MET: variants seen among roughly 807,000 people sequenced by gnomAD.
The protein encoded by MET is MET proto-oncogene, receptor tyrosine kinase.
Under a neutral mutation model 133.1 loss-of-function variants are expected in MET, and 48 were observed. The observed-to-expected ratio is 0.36, with a 90% CI of 0.29 to 0.46. The LOEUF (loss-of-function observed/expected upper bound fraction) is 0.46, where lower values mean the gene tolerates loss of function less well. Ranked by LOEUF, MET falls within the 20% of genes least tolerant of loss-of-function variation. The pLI is 1.00. For synonymous variants in MET, 628 were observed against 616.5 expected (o/e 1.02, Z -0.28); for missense variants, 1,442 against 1,695.9 (o/e 0.85, Z 2.63).
chr7:116,753,547 A>G (rs1794011499), intron 5 of MET, among the ~76,000 whole-genome samples: 2 of 152,214 alleles, frequency 1.3e-5, no homozygotes, highest in Admixed American at 1.3e-4. Flanking sequence ...CATACCAGAA[A>G]TGAGTCTGCA....
At chr7:116,788,723 A>G (rs925313384) in intron 19 of MET, among the ~76,000 whole-genome samples, 1 of 152,234 alleles carries the variant, frequency 6.6e-6, no homozygotes, top group African/African-American at 2.4e-5. Context: ...TACTTCCAGG[A>G]CAGCGCAATC....
At chr7:116,728,682 G>T (rs554081598) in intron 2 of MET, among the ~76,000 whole-genome samples, 1 of 152,306 alleles carries the variant, frequency 6.6e-6, no homozygotes, top group Non-Finnish European at 1.5e-5. Flanking sequence ...TAATTTTTCA[G>T]CAGGCTGTCA....
At chr7:116,782,535 T>C (rs549552643) in intron 18 of MET, among the ~76,000 whole-genome samples, 3 of 152,312 alleles carry the variant, frequency 2.0e-5, no homozygotes, top group African/African-American at 7.2e-5. Context: ...TATTTGGCAA[T>C]GAATATACAA....
chr7:116,754,291 T>C (rs1794038696), intron 5 of MET, among the ~76,000 whole-genome samples: 1 of 152,188 alleles, frequency 6.6e-6, no homozygotes, highest in African/African-American at 2.4e-5. Context: ...TGTGCAACTT[T>C]TGTCTCTGGG....
chr7:116,741,067 G>GTTTTTTTTTTTTTTTTTTTTTTTTTGTTT, intron 5 of MET, 42 bp downstream of exon 5: 1 of 1,348,786 alleles, frequency 7.4e-7, no homozygotes, highest in Non-Finnish European at 1.0e-6. Context: ...TTTGTTTGGT[G>GTTTTTTTTTTTTTTTTTTTTTTTTTGTTT]TTTTTTTTTT....
At chr7:116,701,893 T>C (rs1361629762) in intron 2 of MET, among the ~76,000 whole-genome samples, 1 of 152,050 alleles carries the variant, frequency 6.6e-6, no homozygotes, top group African/African-American at 2.4e-5. Flanking sequence ...AGCACATGGA[T>C]TTGCTATTTA....
At chr7:116,738,443 G>T (rs894903119) in intron 3 of MET, among the ~76,000 whole-genome samples, 10 of 152,244 alleles carry the variant, frequency 6.6e-5, no homozygotes, top group Admixed American at 1.3e-4. Context: ...GCCTGCAAAG[G>T]TCACCAATAC....
chr7:116,750,147 C>T (rs1432782215), intron 5 of MET, among the ~76,000 whole-genome samples: 1 of 151,834 alleles, frequency 6.6e-6, no homozygotes, highest in Non-Finnish European at 1.5e-5. Flanking sequence ...AAAAAGAACA[C>T]AGCTGGTGGC....
intron 2 of MET, among the ~76,000 whole-genome samples, chr7:116,717,046 G>A (rs1226000281): frequency 2.0e-5 from 3 of 152,202 alleles, no homozygotes; most frequent in Non-Finnish European, 2.9e-5. Flanking sequence ...GGCGTTAGTG[G>A]AAACAGATGT....
At chr7:116,692,276 T>A (rs899278962) in intron 1 of MET, among the ~76,000 whole-genome samples, 3 of 152,148 alleles carry the variant, frequency 2.0e-5, no homozygotes, top group Admixed American at 6.5e-5. Context: ...CTATTTACTA[T>A]AAAGTGCTAT....
chr7:116,760,237 C>T (rs538608249), intron 10 of MET, among the ~76,000 whole-genome samples: 125 of 152,252 alleles, frequency 8.2e-4, no homozygotes, highest in African/African-American at 2.9e-3. Flanking sequence ...AAGCAGCTGA[C>T]GTATGCTTTC....
intron 2 of MET, among the ~76,000 whole-genome samples, chr7:116,714,629 G>C (rs1562891845): frequency 6.6e-6 from 1 of 152,108 alleles, no homozygotes. Flanking sequence ...TAGACCCAAG[G>C]TAGAAGCATT....
In MET at chr7:116,740,893, C is replaced by T. The variant is rs1329886933; in HGVS notation, c.1569C>T (p.Phe523=). The part of the protein sequence containing the change: ...IPLNGLGCRH[F]QSCSQCLSAP... ...TGAATGGCTTGGGCTGCAGACATTT[C>T]CAGTCCTGCAGTCAATGCCTCTCTG... The change falls in exon 5 of 21, where the codon TTC becomes TTT. Residue 523 remains phenylalanine, a synonymous_variant. Coordinates refer to ENST00000397752, the MANE Select transcript of MET (RefSeq NM_000245.4). The T allele has an allele frequency of 6.2e-7, 1 of 1,614,164 alleles. No individual in the cohort carries two copies. The highest frequency in any genetic ancestry group is 8.5e-7 in the Non-Finnish European group (1 of 1,180,034).
At chr7:116,763,638 C>T (rs1246700027) in intron 11 of MET, among the ~76,000 whole-genome samples, 1 of 152,168 alleles carries the variant, frequency 6.6e-6, no homozygotes, top group Non-Finnish European at 1.5e-5. Flanking sequence ...GTAAATGCAT[C>T]AATTGTATCT....
chr7:116,711,703 C>T lies in MET; in HGVS notation c.1200+11419C>T, dbSNP rs1167603693. ...GACCTCAGTGGCTCCTCCTCAACTC[C>T]ACCCAATCTATTTGTCTCCAAAGTG... On this transcript the variant is annotated intron_variant, in intron 2 of 20. Coordinates refer to ENST00000397752, the MANE Select transcript of MET (RefSeq NM_000245.4). Among the ~76,000 whole-genome samples the T allele has an allele frequency of 3.3e-5, 5 of 152,190 alleles. No homozygotes were observed. The South Asian group carries it at 1.0e-3, about 32-fold the overall frequency.
intron 7 of MET, 40 bp from the exon 8 acceptor site, chr7:116,757,598 A>G (rs1319913612): frequency 6.2e-7 from 1 of 1,613,626 alleles, no homozygotes; most frequent in South Asian, 1.1e-5. Flanking sequence ...AAATTATAAG[A>G]TGAACAAGTT....
chr7:116,773,153 A>C (rs1236438776), intron 14 of MET, among the ~76,000 whole-genome samples: 1 of 152,102 alleles, frequency 6.6e-6, no homozygotes, highest in Non-Finnish European at 1.5e-5. Flanking sequence ...TGAGTTTCAC[A>C]CTCTTTTCTC....
chr7:116,744,991 C>T (rs985896772), intron 5 of MET, among the ~76,000 whole-genome samples: 50 of 152,274 alleles, frequency 3.3e-4, no homozygotes, highest in African/African-American at 1.2e-3. Flanking sequence ...GTCAAATTGT[C>T]CCTGTTTGCA....
At chr7:116,785,723 C>T (rs1795291822) in intron 19 of MET, among the ~76,000 whole-genome samples, 2 of 152,058 alleles carry the variant, frequency 1.3e-5, no homozygotes, top group Non-Finnish European at 2.9e-5. Flanking sequence ...TGAAATAAGA[C>T]ACAATGAGAA....
Sources: gnomAD v4.1 joint callset for allele counts (sites outside exome capture counted in the v4.1 genomes callset) on GRCh38, gnomAD v4.1.1 for gene constraint, MANE v1.5 for transcripts, NCBI Gene and HGNC (gene_info 2026-07-23, HGNC 2026-07-21) for gene names.